The following NUCB1 variants were observed in gnomAD, a reference collection of about 807,000 sequenced individuals.
NUCB1 encodes nucleobindin-1.
In NUCB1, 47 loss-of-function variants were observed where a neutral mutation model predicts 61.2. The ratio of observed to expected loss-of-function variants is 0.77; its 90% confidence interval spans 0.61 to 0.98. The LOEUF (loss-of-function observed/expected upper bound fraction) is 0.98. NUCB1 is among the 50% of genes least tolerant of loss of function. The pLI, the probability that NUCB1 is intolerant of heterozygous loss-of-function variation, is 0.00. For synonymous variants in NUCB1, 234 were observed against 243.1 expected, an observed-to-expected ratio of 0.96 and a Z score of 0.35; for missense variants, 583 against 605.3, an observed-to-expected ratio of 0.96 and a Z score of 0.39.
At chr19:48,914,418 T>C (rs1433569463) in intron 7 of NUCB1, among the ~76,000 whole-genome samples, 1 of 152,014 alleles carries the variant, frequency 6.6e-6, no homozygotes, top group Non-Finnish European at 1.5e-5. Flanking sequence ...TCAGATAAGC[T>C]TAGCAAGGCC....
In NUCB1 at chr19:48,911,220, G is replaced by C. The variant is rs554668878; in HGVS notation, c.448G>C (p.Glu150Gln). 4.3e-6 allele frequency: 7 copies of C among 1,613,646 alleles called. No homozygotes were observed. Among genetic ancestry groups the C allele is most frequent in the South Asian group, 1.1e-5 (1 of 91,050 alleles). The change falls in exon 5 of 13, where the codon GAG becomes CAG. Residue 150 changes from glutamate (E) to glutamine (Q), a missense_variant. By Grantham distance (29) the Glu-to-Gln change is conservative. Coordinates refer to ENST00000405315, the MANE Select transcript of NUCB1 (RefSeq NM_006184.6). ...HLDPQNQHTFEARDLELLIQT... is the reference protein window; with the variant it reads ...HLDPQNQHTFQARDLELLIQT... Reference sequence around the variant, plus strand: ...GGACCCTCAGAACCAGCATACATTCGAGGCCCGCGACCTGGAGCTGCTGAT... The same window carrying C: ...GGACCCTCAGAACCAGCATACATTCCAGGCCCGCGACCTGGAGCTGCTGAT...
Position 48,904,343 on chromosome 19 carries a change from T to A in NUCB1, c.136-4T>A. The A allele has an allele frequency of 6.3e-7, 1 of 1,596,468 alleles. No individual in the cohort carries two copies. The highest frequency in any genetic ancestry group is 1.7e-5 in the Admixed American group (1 of 59,902). ...GGCTGCTATGTCTGTCCTTGTTGCCTCAGGACACAGGCCTGTACTACCACC... is the reference window on the plus strand; with the variant it reads ...GGCTGCTATGTCTGTCCTTGTTGCCACAGGACACAGGCCTGTACTACCACC... On this transcript the variant is annotated splice_polypyrimidine_tract_variant and splice_region_variant and intron_variant, in intron 2 of 12. Transcript: ENST00000405315.
At chr19:48,912,473 C>T (rs1436761927) in intron 5 of NUCB1, among the ~76,000 whole-genome samples, 4 of 151,972 alleles carry the variant, frequency 2.6e-5, no homozygotes, top group East Asian at 1.9e-4. Context: ...ATTGTATAAC[C>T]GTCCCAATCT....
intron 3 of NUCB1, 69 bp downstream of exon 3, chr19:48,904,523 G>T (rs1439411393): frequency 8.8e-6 from 8 of 904,258 alleles, no homozygotes; most frequent in Admixed American, 2.6e-5. Context: ...GGGAGGACTG[G>T]TTTCTTTTTT....
chr19:48,903,858 G>GTGGA (rs35337876), intron 2 of NUCB1, among the ~76,000 whole-genome samples: 3 of 87,932 alleles, frequency 3.4e-5, no homozygotes, highest in African/African-American at 6.3e-5. Context: ...GGATGGATGA[G>GTGGA]TGGATGGATG....
At chr19:48,902,630 G>C (rs150099845) in intron 2 of NUCB1, among the ~76,000 whole-genome samples, 3 of 148,426 alleles carry the variant, frequency 2.0e-5, no homozygotes, top group African/African-American at 7.5e-5. Flanking sequence ...GGCTAGTCTC[G>C]AACTCCTGAG....
intron 1 of NUCB1, 49 bp from the exon 2 acceptor site, chr19:48,900,737 G>C (rs1221272555): frequency 2.5e-6 from 4 of 1,573,940 alleles, no homozygotes; most frequent in East Asian, 2.3e-5. Context: ...AGGGGAGGAA[G>C]AGGCTTGGGA....
chr19:48,908,648 C>CGTGTGTGTGTGT (rs58211997), intron 4 of NUCB1, among the ~76,000 whole-genome samples: 2,937 of 86,490 alleles, frequency 0.034, 181 homozygotes, highest in East Asian at 0.067. Flanking sequence ...TCTAGCTGCC[C>CGTGTGTGTGTGT]GTGTGTGTGT....
rs1600046804 is a variant in NUCB1 at position 48,900,657 on chromosome 19, G to C, written c.-11-129G>C. On this transcript the variant is annotated intron_variant, in intron 1 of 12. Transcript: ENST00000405315. The stretch of plus-strand genomic sequence containing the variant: ...CCGGAGGCCTGGAATCCTGGGGCCT[G>C]GGTAACAAAATGCTTGTGTCTTGAT... The C allele has an allele frequency of 7.1e-6, 9 of 1,274,336 alleles. No individual in the cohort carries two copies. In the South Asian group the frequency reaches 1.1e-4, roughly 16 times the overall value. 78.9% of individuals were successfully genotyped at this position (1,274,336 alleles called of 1,614,324 possible).
intron 5 of NUCB1, 149 bp from the exon 6 acceptor site, chr19:48,912,862 A>AAAG (rs56057845): frequency 5.0e-6 from 2 of 399,410 alleles, no homozygotes; most frequent in African/African-American, 4.3e-5. Context: ...AAAAAAAAAA[A>AAAG]GGGACATTAG....
At chr19:48,904,918 C>A (rs1257210156) in intron 3 of NUCB1, among the ~76,000 whole-genome samples, 4 of 152,172 alleles carry the variant, frequency 2.6e-5, no homozygotes, top group African/African-American at 9.7e-5. Context: ...CTTGGGGTCA[C>A]AAGCTGGGAA....
intron 5 of NUCB1, among the ~76,000 whole-genome samples, chr19:48,912,179 C>T (rs55969947): frequency 0.12 from 18,468 of 151,674 alleles, 1,283 homozygotes; most frequent in Non-Finnish European, 0.15. Context: ...TGCAAGCCAC[C>T]GCACCAGGCT....
chr19:48,916,025 C>G (rs1055473627), intron 7 of NUCB1, among the ~76,000 whole-genome samples: 1 of 152,172 alleles, frequency 6.6e-6, no homozygotes, highest in Non-Finnish European at 1.5e-5. Context: ...GAGAGCTCTT[C>G]ATCTCGCACA....
chr19:48,909,969 G>A (rs1176002937), intron 4 of NUCB1, among the ~76,000 whole-genome samples: 1 of 152,120 alleles, frequency 6.6e-6, no homozygotes, highest in Non-Finnish European at 1.5e-5. Context: ...GAGGTACTGG[G>A]GCTTAGGACT....
chr19:48,904,896 G>A (rs930990504), intron 3 of NUCB1, among the ~76,000 whole-genome samples: 1 of 152,192 alleles, frequency 6.6e-6, no homozygotes, highest in African/African-American at 2.4e-5. Flanking sequence ...AAGACTCAGG[G>A]AGAAGTTGCT....
At position 48,910,073 on chromosome 19, in the gene NUCB1, GTATT is replaced by G. The variant is rs1259394796; in HGVS notation, c.377-1070_377-1067del. On this transcript the variant is annotated intron_variant, in intron 4 of 12. Transcript: ENST00000405315. ...ATGTTTTTCTTTTGTTTGTATGTATGTATTTATTTTATTTATTTATTTTTCAGAC... is the reference window on the plus strand; with the variant it reads ...ATGTTTTTCTTTTGTTTGTATGTATGTATTTTATTTATTTATTTTTCAGAC... 2.6e-5 allele frequency among the ~76,000 whole-genome samples: 4 copies of G among 151,920 alleles called. No homozygotes were observed. The East Asian group carries it at 7.8e-4, about 30-fold the overall frequency.
Sources: allele counts gnomAD v4.1 joint callset (sites outside exome capture counted in the v4.1 genomes callset), GRCh38; gene constraint gnomAD v4.1.1; transcripts MANE v1.5; gene names NCBI Gene and HGNC (gene_info 2026-07-23, HGNC 2026-07-21).